RAB17: variants seen among roughly 807,000 people sequenced by gnomAD.
RAB17 encodes the protein RAB17, member RAS oncogene family, also known as ras-related protein Rab-17.
RAB17 carries 15 observed loss-of-function variants against 19.3 expected under a neutral mutation model. The ratio of observed to expected loss-of-function variants is 0.78; its 90% confidence interval spans 0.52 to 1.20. The LOEUF is 1.20. RAB17 is among the 50% of genes most tolerant of loss of function. RAB17 has a pLI of 0.00. For synonymous variants in RAB17, 110 were observed against 112.8 expected (o/e 0.97, Z 0.16); for missense variants, 262 against 269.3 (o/e 0.97, Z 0.19).
At chr2:237,578,184 T>C (rs1438225858) in intron 2 of RAB17, 29 bp from the exon 3 acceptor site, 2 of 1,586,798 alleles carry the variant, frequency 1.3e-6, no homozygotes, top group African/African-American at 1.3e-5. Flanking sequence ...GAGGGCTTAC[T>C]CAGAGGACGA....
chr2:237,580,333 G>A (rs1434865200), intron 2 of RAB17, among the ~76,000 whole-genome samples: 1 of 152,186 alleles, frequency 6.6e-6, no homozygotes, highest in Non-Finnish European at 1.5e-5. Context: ...TTCTCAGTTT[G>A]AATTTGGTTT....
Position 237,574,728 on chromosome 2 carries a change from G to A in RAB17, c.*291C>T. 7.2e-7 allele frequency: 1 copy of A among 1,395,524 alleles called. No individual in the cohort carries two copies. The highest frequency in any genetic ancestry group is 1.7e-5 in the South Asian group (1 of 60,492). The allele number at this position is 1,395,524 out of a possible 1,614,324, so 86.4% of individuals were successfully genotyped here. A position where few individuals can be genotyped will look rare whatever the true frequency, so the allele number is the denominator to read the frequency against. ...ATCCTTCCTTCCTCTCTGTCCAGAG[G>A]CTGCCAGGCTGAGGGGGCCACCGTC... On this transcript the variant is annotated 3_prime_UTR_variant, in exon 6 of 6. Transcript: ENST00000264601.
At chr2:237,577,203 G>GTCTT in intron 4 of RAB17, 54 bp downstream of exon 4, 1 of 1,569,000 alleles carries the variant, frequency 6.4e-7, no homozygotes, top group Non-Finnish European at 8.6e-7. Flanking sequence ...TGACACAGGC[G>GTCTT]GGCAGGGCTC....
At chr2:237,580,483 G>A (rs1421528359) in intron 2 of RAB17, among the ~76,000 whole-genome samples, 6 of 152,088 alleles carry the variant, frequency 3.9e-5, no homozygotes, top group African/African-American at 1.4e-4. Flanking sequence ...GCTCATGCCT[G>A]TAATCCCAGC....
At chr2:237,575,614 T>C in intron 4 of RAB17, 134 bp from the exon 5 acceptor site, 2 of 671,774 alleles carry the variant, frequency 3.0e-6, no homozygotes, top group Non-Finnish European at 5.2e-6. Flanking sequence ...CGTGTCCAAG[T>C]TGTGTTTCTT....
chr2:237,581,360 T>A (rs1199378269), intron 2 of RAB17, among the ~76,000 whole-genome samples: 1 of 148,546 alleles, frequency 6.7e-6, no homozygotes, highest in African/African-American at 2.5e-5. Context: ...GGCAACAGAA[T>A]GAGACGCCAT....
At chr2:237,590,182 C>A (rs987051523) in intron 1 of RAB17, among the ~76,000 whole-genome samples, 1 of 150,724 alleles carries the variant, frequency 6.6e-6, no homozygotes, top group African/African-American at 2.4e-5. Context: ...TTTTTCAAGA[C>A]CTTAAAACCG....
intron 4 of RAB17, 59 bp from the exon 5 acceptor site, chr2:237,575,539 T>C: frequency 1.6e-6 from 2 of 1,267,820 alleles, no homozygotes; most frequent in Non-Finnish European, 2.3e-6. Flanking sequence ...TAAGGACACC[T>C]GGTTCACTTC....
chr2:237,583,157 G>T (rs1005968377), intron 2 of RAB17, among the ~76,000 whole-genome samples: 2 of 152,062 alleles, frequency 1.3e-5, no homozygotes, highest in African/African-American at 4.8e-5. Flanking sequence ...GCACACCATG[G>T]CAAAACCCTA....
chr2:237,577,430 C>A, intron 3 of RAB17, 48 bp from the exon 4 acceptor site: 2 of 1,556,372 alleles, frequency 1.3e-6, no homozygotes, highest in South Asian at 1.2e-5. Context: ...TATAGGTGGT[C>A]ATTAGCTATT....
intron 1 of RAB17, among the ~76,000 whole-genome samples, chr2:237,587,229 T>C (rs6751057): frequency 0.26 from 39,969 of 152,120 alleles, 6,954 homozygotes; most frequent in African/African-American, 0.5. Context: ...CCCACTATTT[T>C]ACTAAGGGGT....
chr2:237,575,215 C>A, intron 5 of RAB17, 87 bp from the exon 6 acceptor site: 1 of 1,188,460 alleles, frequency 8.4e-7, no homozygotes, highest in Non-Finnish European at 1.2e-6. Context: ...CCAGGACCCG[C>A]CCCTCCTGTG....
chr2:237,589,306 A>T (rs528403091), intron 1 of RAB17, among the ~76,000 whole-genome samples: 1 of 152,278 alleles, frequency 6.6e-6, no homozygotes, highest in South Asian at 2.1e-4. Context: ...TAATACAACC[A>T]CAAATGGTAT....
intron 3 of RAB17, 82 bp downstream of exon 3, chr2:237,577,922 C>T (rs2081278308): frequency 1.0e-5 from 15 of 1,453,254 alleles, no homozygotes; most frequent in Middle Eastern, 4.5e-4. Flanking sequence ...CTTGTGATTA[C>T]GCCATGGCAT....
chr2:237,578,213 A>C (rs879411472), intron 2 of RAB17, 58 bp from the exon 3 acceptor site: 1 of 1,538,768 alleles, frequency 6.5e-7, no homozygotes, highest in Non-Finnish European at 8.8e-7. Flanking sequence ...CATGCGGCTC[A>C]GGTGGGACCA....
At chr2:237,577,453 AG>A in intron 3 of RAB17, 71 bp from the exon 4 acceptor site, 4 of 1,502,642 alleles carry the variant, frequency 2.7e-6, no homozygotes, top group Non-Finnish European at 3.6e-6. Flanking sequence ...GGGAGGGGGA[AG>A]CCAGTGTTGC....
Position 237,575,125 on chromosome 2 carries a change from T to G in RAB17, c.533A>C (p.Gln178Pro). 6.2e-7 allele frequency: 1 copy of G among 1,612,572 alleles called. No individual in the cohort carries two copies. Among genetic ancestry groups the G allele is most frequent in the Non-Finnish European group, 8.5e-7 (1 of 1,179,374 alleles). The change falls in exon 6 of 6, where the codon CAA becomes CCA. Residue 178 changes from glutamine (Q) to proline (P), a missense_variant. Transcript: ENST00000264601. ...QVSEVFNTVA[Q>P]ELLQRSDEEG... ...CTCGTCGCTTCTCTGCAGTAGCTCT[T>G]GGGCTGTGAACAGCAAGAGGAGGGG...
At chr2:237,579,716 A>G (rs1032606157) in intron 2 of RAB17, 9 of 88,460 alleles carry the variant, frequency 1.0e-4, no homozygotes, top group Admixed American at 3.0e-4. Flanking sequence ...GAGAAACTCA[A>G]TTGCACCCAC....
intron 1 of RAB17, among the ~76,000 whole-genome samples, chr2:237,588,686 A>C (rs1248938409): frequency 2.0e-5 from 3 of 152,206 alleles, no homozygotes; most frequent in African/African-American, 7.2e-5. Context: ...ACCAAATACC[A>C]CCTGTTCCCC....
Sources: gnomAD v4.1 joint callset for allele counts (sites outside exome capture counted in the v4.1 genomes callset) on GRCh38, gnomAD v4.1.1 for gene constraint, MANE v1.5 for transcripts, NCBI Gene and HGNC (gene_info 2026-07-23, HGNC 2026-07-21) for gene names.